Variants in RFTN1 observed in about 807,000 individuals in gnomAD.
RFTN1 encodes the protein raftlin.
Under a neutral mutation model 46.5 loss-of-function variants are expected in RFTN1, and 26 were observed. That is an observed-to-expected ratio of 0.56 (90% CI 0.41 to 0.78). The LOEUF (loss-of-function observed/expected upper bound fraction) is 0.78. RFTN1 is among the 30% of genes least tolerant of loss of function. The pLI, the probability that RFTN1 is intolerant of heterozygous loss-of-function variation, is 0.00. For missense variants in RFTN1, 693 were observed against 718.7 expected (o/e 0.96, Z 0.41); for synonymous variants, 261 against 284.2 (o/e 0.92, Z 0.82).
At chr3:16,340,729 T>G (rs751296158) in intron 7 of RFTN1, among the ~76,000 whole-genome samples, 2 of 152,232 alleles carry the variant, frequency 1.3e-5, no homozygotes, top group Non-Finnish European at 2.9e-5. Context: ...TTTGTGCTAA[T>G]CCCTACCCCT....
intron 6 of RFTN1, among the ~76,000 whole-genome samples, chr3:16,369,703 G>GT (rs1575155906): frequency 6.6e-6 from 1 of 152,304 alleles, no homozygotes; most frequent in East Asian, 1.9e-4. Context: ...ACTTCAAACT[G>GT]TAATAGTGTC....
chr3:16,318,765 C>G (rs1298828944), intron 9 of RFTN1, among the ~76,000 whole-genome samples: 2 of 152,160 alleles, frequency 1.3e-5, no homozygotes, highest in Non-Finnish European at 2.9e-5. Flanking sequence ...CAAATGAGTT[C>G]ACTTACAATG....
At position 16,348,886 on chromosome 3, in the gene RFTN1, CCA is replaced by C. The variant is rs1243557048; in HGVS notation, c.1146+9044_1146+9045del. Among the ~76,000 whole-genome samples the C allele has an allele frequency of 1.3e-5, 2 of 152,210 alleles. No homozygotes were observed. The highest frequency in any genetic ancestry group is 2.4e-5 in the African/African-American group (1 of 41,456). ...CTCTGTGTCCTGCCACTGCCACAAT[CCA>C]CACACATTTCAGAACACCCGAGCAA... On this transcript the variant is annotated intron_variant, in intron 7 of 9. Transcript: ENST00000334133. The surrounding 1 kb of genome is among the most constrained non-coding windows in gnomAD (Gnocchi z 6.3).
At chr3:16,497,732 C>T (rs901273294) in intron 1 of RFTN1, among the ~76,000 whole-genome samples, 4 of 152,240 alleles carry the variant, frequency 2.6e-5, no homozygotes, top group Non-Finnish European at 5.9e-5. Context: ...CCTTTGAAAT[C>T]AGAATTACCT....
In RFTN1 at chr3:16,402,052, C is replaced by T. The variant is rs2074617264; in HGVS notation, c.441+7323G>A. Reference sequence around the variant, plus strand: ...CCACAGCTGCCTTCTGGAATGTTCCCTGAGTGTCCCCCTGACCCCTCAAGT... The same window carrying T: ...CCACAGCTGCCTTCTGGAATGTTCCTTGAGTGTCCCCCTGACCCCTCAAGT... On this transcript the variant is annotated intron_variant, in intron 4 of 9. Coordinates refer to ENST00000334133, the MANE Select transcript of RFTN1 (RefSeq NM_015150.2). This position sits in a 1 kb window ranked among gnomAD's most constrained non-coding sequence, Gnocchi z 4.5. Among the ~76,000 whole-genome samples the T allele has an allele frequency of 6.6e-6, 1 of 152,294 alleles. No homozygotes were observed. Among genetic ancestry groups the T allele is most frequent in the African/African-American group, 2.4e-5 (1 of 41,556 alleles).
intron 6 of RFTN1, among the ~76,000 whole-genome samples, chr3:16,360,038 A>C (rs991550691): frequency 2.0e-5 from 3 of 152,214 alleles, no homozygotes; most frequent in African/African-American, 7.2e-5. Flanking sequence ...ATAAAGGCTA[A>C]GCTTAATATT....
chr3:16,438,511 G>C (rs2075558537), intron 2 of RFTN1, among the ~76,000 whole-genome samples: 1 of 137,958 alleles, frequency 7.2e-6, no homozygotes, highest in Non-Finnish European at 1.5e-5. Flanking sequence ...CTTGAGTCCA[G>C]GAGGCAGAGG....
Position 16,326,873 on chromosome 3 carries a change from C to T in RFTN1, c.1150G>A (p.Val384Ile), listed in dbSNP as rs2069752557. 6.2e-7 allele frequency: 1 copy of T among 1,613,146 alleles called. No homozygotes were observed. The highest frequency in any genetic ancestry group is 1.3e-5 in the African/African-American group (1 of 75,042). ...VVEQWTVLEG[V>I]EVQTDYVPLL... ...GGCACGTAGTCTGTCTGCACTTCGACACCCTGGGGGAACAAGGCCAGCATT... is the reference window on the plus strand; with the variant it reads ...GGCACGTAGTCTGTCTGCACTTCGATACCCTGGGGGAACAAGGCCAGCATT... Residue 384 changes from valine (V) to isoleucine (I), a missense_variant, in exon 8 of 10, where the codon GTC (valine) becomes ATC (isoleucine). Transcript: ENST00000334133.
intron 2 of RFTN1, among the ~76,000 whole-genome samples, chr3:16,486,272 C>T (rs1575359128): frequency 6.6e-6 from 1 of 152,018 alleles, no homozygotes; most frequent in Admixed American, 6.6e-5. Context: ...TTGCCCCTTC[C>T]ATCCTTCCTC....
At chr3:16,375,399 C>T (rs1559304086) in intron 5 of RFTN1, among the ~76,000 whole-genome samples, 1 of 151,946 alleles carries the variant, frequency 6.6e-6, no homozygotes, top group Non-Finnish European at 1.5e-5. Context: ...AAAGGTGACA[C>T]TCCCTATTTG....
intron 3 of RFTN1, among the ~76,000 whole-genome samples, chr3:16,415,691 A>G (rs1204685357): frequency 6.6e-6 from 1 of 152,028 alleles, no homozygotes; most frequent in Non-Finnish European, 1.5e-5. Context: ...TAACCAGGGA[A>G]GAAGGAAGAA....
rs2075272768 is a variant in RFTN1, at chr3:16,425,560, C to G, written c.332+8291G>C. Among the ~76,000 whole-genome samples, 1 of 152,158 alleles carries G rather than the reference C, an allele frequency of 6.6e-6. No homozygotes were observed. Among genetic ancestry groups the G allele is most frequent in the African/African-American group, 2.4e-5 (1 of 41,434 alleles). Reference sequence around the variant, plus strand: ...CAGGAGTGGGGAAAATGAGCTCTCACACCAACCATGCACGTCTCCTTCTTG... The same window carrying G: ...CAGGAGTGGGGAAAATGAGCTCTCAGACCAACCATGCACGTCTCCTTCTTG... On this transcript the variant is annotated intron_variant, in intron 3 of 9. Transcript: ENST00000334133. The surrounding 1 kb of genome is among the most constrained non-coding windows in gnomAD (Gnocchi z 4.3).
intron 7 of RFTN1, among the ~76,000 whole-genome samples, chr3:16,333,600 A>AG: frequency 6.6e-6 from 1 of 152,352 alleles, no homozygotes; most frequent in Middle Eastern, 3.4e-3. Flanking sequence ...GAACACTGGA[A>AG]GGCCTTTCTA....
At position 16,448,145 on chromosome 3, in the gene RFTN1, T is replaced by C. The variant is rs987229843; in HGVS notation, c.146-14108A>G. On this transcript the variant is annotated intron_variant, in intron 2 of 9. Transcript: ENST00000334133. This position sits in a 1 kb window ranked among gnomAD's most constrained non-coding sequence, Gnocchi z 4.1. ...GGTAAAAAAAAAAAAAGTCTCCCAA[T>C]AATAATTTTTTATTGATTCCATATT... Among the ~76,000 whole-genome samples the C allele has an allele frequency of 6.6e-6, 1 of 151,746 alleles. No individual in the cohort carries two copies. The highest frequency in any genetic ancestry group is 2.4e-5 in the African/African-American group (1 of 41,310).
chr3:16,498,777 C>A lies in RFTN1; in HGVS notation c.-8-4900G>T, dbSNP rs1002122507. Among the ~76,000 whole-genome samples the A allele has an allele frequency of 6.6e-6, 1 of 152,184 alleles. No individual in the cohort carries two copies. The highest frequency in any genetic ancestry group is 1.5e-5 in the Non-Finnish European group (1 of 68,034). On this transcript the variant is annotated intron_variant, in intron 1 of 9. Transcript: ENST00000334133. The surrounding 1 kb of genome is among the most constrained non-coding windows in gnomAD (Gnocchi z 5.2). ...TTCGCCCTGGATTCTTCCACCAACT[C>A]CCACCCCTGTCAAAATAGGAAAGAC...
chr3:16,326,854 T>C lies in RFTN1; in HGVS notation c.1169A>G (p.Tyr390Cys), dbSNP rs2069750550. The stretch of plus-strand genomic sequence containing the variant: ...CGCCAGCGAGTTCAGCAGGGGCACG[T>C]AGTCTGTCTGCACTTCGACACCCTG... Reference protein sequence around the residue: ...VLEGVEVQTDYVPLLNSLAAY... With the variant: ...VLEGVEVQTDCVPLLNSLAAY... The change falls in exon 8 of 10, where the codon TAC becomes TGC. Residue 390 changes from tyrosine to cysteine, a missense_variant. Transcript: ENST00000334133. 1 of 1,613,960 alleles carries C rather than the reference T, an allele frequency of 6.2e-7. No homozygotes were observed.
chr3:16,422,247 A>C lies in RFTN1; in HGVS notation c.332+11604T>G, dbSNP rs2075199577. On this transcript the variant is annotated intron_variant, in intron 3 of 9. Transcript: ENST00000334133. This position sits in a 1 kb window ranked among gnomAD's most constrained non-coding sequence, Gnocchi z 4.6. Reference sequence around the variant, plus strand: ...AAATTAGTGTGTTAATGTAACTACAATTTCAACAGAGTTTACCAGGAACTG... The same window carrying C: ...AAATTAGTGTGTTAATGTAACTACACTTTCAACAGAGTTTACCAGGAACTG... Among the ~76,000 whole-genome samples the C allele has an allele frequency of 6.6e-6, 1 of 152,214 alleles. No individual in the cohort carries two copies. The highest frequency in any genetic ancestry group is 6.5e-5 in the Admixed American group (1 of 15,284).
At position 16,451,125 on chromosome 3, in the gene RFTN1, A is replaced by C. The variant is rs977228717; in HGVS notation, c.146-17088T>G. 3.3e-5 allele frequency among the ~76,000 whole-genome samples: 5 copies of C among 152,240 alleles called. No homozygotes were observed. Among genetic ancestry groups the C allele is most frequent in the Admixed American group, 3.3e-4 (5 of 15,278 alleles). On this transcript the variant is annotated intron_variant, in intron 2 of 9. Transcript: ENST00000334133. This position sits in a 1 kb window ranked among gnomAD's most constrained non-coding sequence, Gnocchi z 4.2. ...CATGCAGACAGAAGATCAGGTCTCCAGCCAAGAATTACCAAACTCTCAATA... is the reference window on the plus strand; with the variant it reads ...CATGCAGACAGAAGATCAGGTCTCCCGCCAAGAATTACCAAACTCTCAATA...
rs1282173439 is a variant in RFTN1, at chr3:16,378,165, CAGCGTGCAAAG to C, written c.442-74_442-64del. On this transcript the variant is annotated intron_variant, in intron 4 of 9. Transcript: ENST00000334133. ...AAATGGTCTATCAAAGGGACACGTG[CAGCGTGCAAAG>C]CGCCTCCCCGAGGCCTGCGAGGCTG... 865 of 1,454,708 alleles carry C rather than the reference CAGCGTGCAAAG, an allele frequency of 5.9e-4. 9 individuals carry two copies. The South Asian group carries it at 9.7e-3, about 16-fold the overall frequency. The allele number at this position is 1,454,708 out of a possible 1,614,324, so 90.1% of individuals were successfully genotyped here.
Sources: gnomAD v4.1 joint callset for allele counts (sites outside exome capture counted in the v4.1 genomes callset) on GRCh38, gnomAD v4.1.1 for gene constraint, Gnocchi (gnomAD v3.1) non-coding constraint, MANE v1.5 for transcripts, NCBI Gene and HGNC (gene_info 2026-07-23, HGNC 2026-07-21) for gene names.